Variants in MYH1 observed in about 807,000 individuals in gnomAD.
MYH1 encodes myosin heavy chain 1, also known as myosin-1.
In MYH1, 214 loss-of-function variants were observed where a neutral mutation model predicts 225.6. The observed-to-expected ratio is 0.95, with a 90% CI of 0.85 to 1.06. The LOEUF is 1.06. MYH1 is among the 50% of genes least tolerant of loss of function. MYH1 has a pLI of 0.00. For missense variants in MYH1, 2,098 were observed against 2,344.2 expected (o/e 0.89, Z 2.17); for synonymous variants, 774 against 842.3 (o/e 0.92, Z 1.40).
chr17:10,510,878 C>A (rs1434840461), intron 14 of MYH1, among the ~76,000 whole-genome samples: 3 of 151,714 alleles, frequency 2.0e-5, no homozygotes, highest in African/African-American at 7.3e-5. Context: ...ATACTAAAAA[C>A]CATTGAATTT....
At chr17:10,492,617 A>G (rs1161837260) in intron 39 of MYH1, 49 bp from the exon 40 acceptor site, 2 of 1,562,614 alleles carry the variant, frequency 1.3e-6, no homozygotes, top group South Asian at 1.2e-5. Context: ...GAATTTTTCC[A>G]TTCTTAGGTC....
Position 10,495,276 on chromosome 17 carries a change from G to A in MYH1, c.5211C>T (p.Asp1737=), listed in dbSNP as rs767628972. The A allele has an allele frequency of 3.7e-6, 6 of 1,614,142 alleles. No homozygotes were observed. The highest frequency in any genetic ancestry group is 4.5e-5 in the East Asian group (2 of 44,868). Residue 1737 remains aspartate (D), a synonymous_variant, in exon 36 of 40, where the codon GAC becomes GAT. Coordinates refer to ENST00000226207, the MANE Select transcript of MYH1 (RefSeq NM_005963.4). ...LINTKKKLET[D]ISQIQGEMED... is the part of the protein sequence containing the mutation. The stretch of plus-strand genomic sequence containing the variant: ...CCATCTCTCCCTGGATTTGGGAAAT[G>A]TCTGTCTCCAGCTTCTTCTTGGTGT...
chr17:10,501,733 TC>T, intron 25 of MYH1, 32 bp downstream of exon 25: 1 of 1,613,990 alleles, frequency 6.2e-7, no homozygotes, highest in Non-Finnish European at 8.5e-7. Context: ...AAGAGTAATT[TC>T]CCCACAAAAC....
chr17:10,505,206 C>A lies in MYH1; in HGVS notation c.2392G>T (p.Gly798Trp). The change falls in exon 21 of 40, where the codon GGG (glycine) becomes TGG (tryptophan). Residue 798 changes from glycine to tryptophan, a missense_variant. Physicochemically the swap from Gly to Trp is radical, Grantham distance 184. Transcript: ENST00000226207. ...TGGTACTCCACTCTTGCCAAGAACC[C>A]TCTGCACATGGCCTGGGTTCGGGTA... ...LITRTQAMCR[G>W]FLARVEYQKM... 1 of 1,614,190 alleles carries A rather than the reference C, an allele frequency of 6.2e-7. No individual in the cohort carries two copies. The highest frequency in any genetic ancestry group is 8.5e-7 in the Non-Finnish European group (1 of 1,180,032).
intron 28 of MYH1, among the ~76,000 whole-genome samples, chr17:10,499,446 C>T (rs2073031129): frequency 6.6e-6 from 1 of 152,112 alleles, no homozygotes; most frequent in Non-Finnish European, 1.5e-5. Context: ...GTCTAATTTG[C>T]CTTCCATTGA....
In MYH1 at chr17:10,513,875, T is replaced by C. The variant is rs1356104592; in HGVS notation, c.687A>G (p.Leu229=). Residue 229 remains leucine (L), a synonymous_variant, in exon 8 of 40, where the codon CTA becomes CTG. Coordinates refer to ENST00000226207, the MANE Select transcript of MYH1 (RefSeq NM_005963.4). ...LEDQIISANP[L]LEAFGNAKTV... ...TCTTGGCGTTGCCAAAGGCCTCCAG[T>C]AGGGGGTTGGCACTGATGATTTGAT... The C allele has an allele frequency of 6.2e-7, 1 of 1,613,952 alleles. No homozygotes were observed. Among genetic ancestry groups the C allele is most frequent in the Admixed American group, 1.7e-5 (1 of 59,974 alleles).
chr17:10,516,682 G>A lies in MYH1; in HGVS notation c.-40C>T. ...GATGGTAGCCCAGTTAAGGACCCTG[G>A]CTGGGAGAGGAAGAAAAGAAATTGT... On this transcript the variant is annotated splice_region_variant and 5_prime_UTR_variant, in exon 3 of 40. Coordinates refer to ENST00000226207, the MANE Select transcript of MYH1 (RefSeq NM_005963.4). 6.2e-7 allele frequency: 1 copy of A among 1,605,510 alleles called. No individual in the cohort carries two copies. The highest frequency in any genetic ancestry group is 8.5e-7 in the Non-Finnish European group (1 of 1,174,198).
chr17:10,496,931 G>T, intron 33 of MYH1, 138 bp downstream of exon 33: 2 of 1,133,700 alleles, frequency 1.8e-6, no homozygotes, highest in Non-Finnish European at 1.2e-6. Context: ...TTGGTTGTAT[G>T]CATGATCAGT....
rs375447467 is a variant in MYH1, at chr17:10,501,098, T to C, written c.3738+12A>G. 5 of 1,611,754 alleles carry C rather than the reference T, an allele frequency of 3.1e-6. No homozygotes were observed. In the African/African-American group the frequency reaches 6.7e-5, roughly 22 times the overall value. On this transcript the variant is annotated intron_variant, in intron 27 of 39. Transcript: ENST00000226207. ...AAAAAACCAAATAATCAATGTGAAG[T>C]GTTGATTGTACCTTGGCTTTGGAGA...
At chr17:10,506,866 T>G (rs1006058237) in intron 17 of MYH1, among the ~76,000 whole-genome samples, 44 of 152,102 alleles carry the variant, frequency 2.9e-4, no homozygotes, top group Non-Finnish European at 5.3e-4. Flanking sequence ...TTGCCATAGA[T>G]ATAGAGCTGT....
intron 17 of MYH1, among the ~76,000 whole-genome samples, chr17:10,506,812 C>G (rs2073117404): frequency 6.6e-6 from 1 of 152,114 alleles, no homozygotes; most frequent in South Asian, 2.1e-4. Flanking sequence ...TCTTTCTTTA[C>G]CTGACTTTCA....
Position 10,507,903 on chromosome 17 carries a change from C to T in MYH1, c.1951G>A (p.Val651Met). Residue 651 changes from valine (V) to methionine (M), a missense_variant, in exon 17 of 40, where the codon GTG becomes ATG. Physicochemically the swap from Val to Met is conservative, Grantham distance 21. Transcript: ENST00000226207. ...GKKKGSSFQT[V>M]SALFRENLNK... The stretch of plus-strand genomic sequence containing the variant: ...GTTTGTACCCTGAAGAGAGCAGACA[C>T]AGTCTGGAAAGAAGAACCCTTCTTC... 6.2e-7 allele frequency: 1 copy of T among 1,613,502 alleles called. No homozygotes were observed.
intron 39 of MYH1, among the ~76,000 whole-genome samples, chr17:10,493,774 C>T (rs2072958834): frequency 6.6e-6 from 1 of 152,208 alleles, no homozygotes; most frequent in Admixed American, 6.5e-5. Context: ...TCTTTCATCT[C>T]CCAAGTGCAA....
chr17:10,501,929 A>C lies in MYH1; in HGVS notation c.3112-18T>G. Reference sequence around the variant, plus strand: ...CCTTCAAGCTAAAAGTTAATAATCCATGAATATGGTTCTTAGAATGGTAGC... The same window carrying C: ...CCTTCAAGCTAAAAGTTAATAATCCCTGAATATGGTTCTTAGAATGGTAGC... On this transcript the variant is annotated intron_variant, in intron 24 of 39. Coordinates refer to ENST00000226207, the MANE Select transcript of MYH1 (RefSeq NM_005963.4). The C allele has an allele frequency of 1.3e-6, 2 of 1,594,356 alleles. No homozygotes were observed. Among genetic ancestry groups the C allele is most frequent in the South Asian group, 1.2e-5 (1 of 86,102 alleles).
Position 10,516,480 on chromosome 17 carries a change from T to C in MYH1, c.163A>G (p.Arg55Gly), listed in dbSNP as rs760814306. The C allele has an allele frequency of 5.6e-5, 90 of 1,613,806 alleles. No individual in the cohort carries two copies. The Middle Eastern group carries it at 8.2e-4, about 15-fold the overall frequency. ...ESFVKATVQS[R>G]EGGKVTAKTE... ...TTAGCTGTCACCTTCCCCCCTTCCC[T>C]GCTCTGCACTGTTGCTTTCACAAAG... The change falls in exon 3 of 40, where the codon AGG becomes GGG. Residue 55 changes from arginine to glycine, a missense_variant. Arg to Gly is a moderately radical substitution (Grantham distance 125). Coordinates refer to ENST00000226207, the MANE Select transcript of MYH1 (RefSeq NM_005963.4).
rs1422915117 is a variant in MYH1 at position 10,499,162 on chromosome 17, CA to C, written c.3866-71del. 5.0e-6 allele frequency: 7 copies of C among 1,402,190 alleles called. No homozygotes were observed. In the East Asian group the frequency reaches 1.6e-4, roughly 32 times the overall value. 86.9% of individuals were successfully genotyped at this position (1,402,190 alleles called of 1,614,324 possible). A position where few individuals can be genotyped will look rare whatever the true frequency, so the allele number is the denominator to read the frequency against. On this transcript the variant is annotated intron_variant, in intron 28 of 39. Transcript: ENST00000226207. ...TAAAACTCTAAAATAAAAACTTGAG[CA>C]GGGAAAGGGAGCCAAGTTTGAAACT...
chr17:10,501,001 GA>G, intron 27 of MYH1, 108 bp downstream of exon 27: 4 of 1,528,888 alleles, frequency 2.6e-6, no homozygotes, highest in East Asian at 2.3e-5. Flanking sequence ...CGTGATATGA[GA>G]AAAAGGGTGC....
At chr17:10,500,792 G>A in intron 27 of MYH1, 40 bp from the exon 28 acceptor site, 1 of 1,613,270 alleles carries the variant, frequency 6.2e-7, no homozygotes, top group Non-Finnish European at 8.5e-7. Context: ...CAAGTAAGTA[G>A]TTGGACCAAA....
At chr17:10,514,187 T>C in intron 6 of MYH1, 63 bp from the exon 7 acceptor site, 1 of 1,566,546 alleles carries the variant, frequency 6.4e-7, no homozygotes, top group Non-Finnish European at 8.8e-7. Context: ...AACTACCTCA[T>C]GGCTTTGTCT....
Sources: gnomAD v4.1 joint callset for allele counts (sites outside exome capture counted in the v4.1 genomes callset) on GRCh38, gnomAD v4.1.1 for gene constraint, MANE v1.5 for transcripts, NCBI Gene and HGNC (gene_info 2026-07-23, HGNC 2026-07-21) for gene names.